The following DCDC1 variants were observed in gnomAD, a reference collection of about 807,000 sequenced individuals.
DCDC1 encodes the protein doublecortin domain-containing protein 1.
DCDC1 carries 200 observed loss-of-function variants against 178.3 expected under a neutral mutation model. That is an observed-to-expected ratio of 1.12 (90% CI 1.00 to 1.26). The LOEUF is 1.26. DCDC1 is among the 50% of genes most tolerant of loss of function. The pLI, the probability that DCDC1 is intolerant of heterozygous loss-of-function variation, is 0.00. For synonymous variants in DCDC1, 690 were observed against 604.8 expected (o/e 1.14, Z -2.07); for missense variants, 1,983 against 1,749.2 (o/e 1.13, Z -2.38).
At chr11:31,099,721 GT>G (rs371157451) in intron 15 of DCDC1, among the ~76,000 whole-genome samples, 45,086 of 135,970 alleles carry the variant, frequency 0.33, 6,892 homozygotes, top group Middle Eastern at 0.37. Flanking sequence ...TTTGTTTGTT[GT>G]TTTTTTTTTT....
intron 1 of DCDC1, among the ~76,000 whole-genome samples, chr11:31,351,039 A>T (rs986179579): frequency 6.6e-6 from 1 of 152,096 alleles, no homozygotes; most frequent in African/African-American, 2.4e-5. Context: ...AACAGGAGAC[A>T]TCAAAAAACT....
At chr11:30,871,855 C>T (rs1941601821) in intron 38 of DCDC1, among the ~76,000 whole-genome samples, 2 of 151,582 alleles carry the variant, frequency 1.3e-5, no homozygotes, top group African/African-American at 2.4e-5. Flanking sequence ...GTATTAAGTA[C>T]ACTTAGACAC....
intron 9 of DCDC1, among the ~76,000 whole-genome samples, chr11:31,202,147 T>C (rs1260869587): frequency 1.3e-5 from 2 of 152,220 alleles, no homozygotes; most frequent in Admixed American, 6.5e-5. Flanking sequence ...GCACAGACTA[T>C]GCACCCAGGT....
chr11:31,273,951 G>A (rs1945782573), intron 7 of DCDC1, among the ~76,000 whole-genome samples: 1 of 152,068 alleles, frequency 6.6e-6, no homozygotes, highest in South Asian at 2.1e-4. Flanking sequence ...GATCGCATGA[G>A]ACTAACTATC....
Position 31,029,732 on chromosome 11 carries a change from AT to A in DCDC1, c.2591+34736del, listed in dbSNP as rs559836159. 3.9e-3 allele frequency among the ~76,000 whole-genome samples: 590 copies of A among 152,204 alleles called. 2 individuals are homozygous for A. Among genetic ancestry groups the A allele is most frequent in the South Asian group, 0.016 (76 of 4,824 alleles). On this transcript the variant is annotated intron_variant, in intron 20 of 38. Transcript: ENST00000684477. Reference sequence around the variant, plus strand: ...ATACTTCTTTATAACAATAAAATGCATTTTGAGCTTTGCTTTTTTCTCGAAT... The same window carrying A: ...ATACTTCTTTATAACAATAAAATGCATTTGAGCTTTGCTTTTTTCTCGAAT...
chr11:31,340,591 A>C (rs953259247), intron 1 of DCDC1, among the ~76,000 whole-genome samples: 1 of 152,138 alleles, frequency 6.6e-6, no homozygotes, highest in Non-Finnish European at 1.5e-5. Context: ...TGAGATTAAC[A>C]TTTAAATGTG....
At chr11:31,059,807 T>C (rs189535366) in intron 20 of DCDC1, among the ~76,000 whole-genome samples, 4 of 152,198 alleles carry the variant, frequency 2.6e-5, no homozygotes, top group African/African-American at 9.6e-5. Flanking sequence ...TATGCAAAGC[T>C]ACATAAATGA....
intron 10 of DCDC1, among the ~76,000 whole-genome samples, chr11:31,135,966 T>C (rs1438677257): frequency 6.6e-6 from 1 of 152,074 alleles, no homozygotes; most frequent in Non-Finnish European, 1.5e-5. Flanking sequence ...GAAATTTTAA[T>C]TTTGCATAAA....
chr11:31,313,291 T>C (rs1057356989), intron 3 of DCDC1, among the ~76,000 whole-genome samples: 2 of 152,202 alleles, frequency 1.3e-5, no homozygotes, highest in Non-Finnish European at 2.9e-5. Flanking sequence ...ATCCTTGTCC[T>C]ATTAAAGTTT....
At chr11:31,321,197 C>T (rs1368200072) in intron 3 of DCDC1, among the ~76,000 whole-genome samples, 6 of 43,726 alleles carry the variant, frequency 1.4e-4, no homozygotes, top group Non-Finnish European at 2.3e-4. Flanking sequence ...TTCGAGCTTC[C>T]CGGCTGCTTT....
At position 31,263,067 on chromosome 11, in the gene DCDC1, T is replaced by G. The variant is rs769412097; in HGVS notation, c.1054+2440A>C. 5 of 1,613,034 alleles carry G rather than the reference T, an allele frequency of 3.1e-6. No individual in the cohort carries two copies. The South Asian group carries it at 5.5e-5, about 18-fold the overall frequency. On this transcript the variant is annotated intron_variant, in intron 8 of 38. Coordinates refer to ENST00000684477, the MANE Select transcript of DCDC1 (RefSeq NM_001387274.1). ...ATGAAGTATCACGTCTCAGAGTCAG[T>G]GCTTTCCTGTTTTGATAAGTAATTC...
At chr11:31,049,677 T>G (rs944212212) in intron 20 of DCDC1, among the ~76,000 whole-genome samples, 3 of 152,108 alleles carry the variant, frequency 2.0e-5, no homozygotes, top group African/African-American at 7.2e-5. Flanking sequence ...CCAAATACTG[T>G]GAGTGCCTCA....
chr11:31,227,306 A>G (rs1454436199), intron 9 of DCDC1, among the ~76,000 whole-genome samples: 1 of 152,152 alleles, frequency 6.6e-6, no homozygotes, highest in Non-Finnish European at 1.5e-5. Flanking sequence ...GTGAAGGAAG[A>G]GTCAACACAT....
intron 21 of DCDC1, among the ~76,000 whole-genome samples, chr11:30,932,784 T>C (rs1173567485): frequency 1.3e-5 from 2 of 152,128 alleles, no homozygotes; most frequent in Non-Finnish European, 1.5e-5. Flanking sequence ...AAAAGAGGGA[T>C]AGAGTAGGTT....
chr11:31,035,320 C>T (rs1953947855), intron 20 of DCDC1, among the ~76,000 whole-genome samples: 1 of 152,164 alleles, frequency 6.6e-6, no homozygotes, highest in African/African-American at 2.4e-5. Context: ...GGTTTTTCCA[C>T]TAATGTCCTT....
chr11:31,061,334 A>T (rs547263766), intron 20 of DCDC1, among the ~76,000 whole-genome samples: 1 of 152,276 alleles, frequency 6.6e-6, no homozygotes, highest in South Asian at 2.1e-4. Flanking sequence ...TTAATGCCAG[A>T]ATATGGCATT....
intron 3 of DCDC1, among the ~76,000 whole-genome samples, chr11:31,310,678 G>A (rs569243910): frequency 6.6e-6 from 1 of 151,960 alleles, no homozygotes; most frequent in Admixed American, 6.6e-5. Flanking sequence ...AGCTTGTTAG[G>A]TGTTGGAAAG....
intron 15 of DCDC1, among the ~76,000 whole-genome samples, chr11:31,099,331 T>C (rs542719996): frequency 6.6e-6 from 1 of 152,334 alleles, no homozygotes; most frequent in South Asian, 2.1e-4. Context: ...TCCTGAGTTA[T>C]CTTCCTAATA....
At chr11:31,151,173 T>C (rs1044473892) in intron 9 of DCDC1, among the ~76,000 whole-genome samples, 2 of 152,066 alleles carry the variant, frequency 1.3e-5, no homozygotes, top group African/African-American at 4.8e-5. Flanking sequence ...GCAAAGAAAA[T>C]TGAAAAACTA....
Sources: gnomAD v4.1 joint callset for allele counts (sites outside exome capture counted in the v4.1 genomes callset) on GRCh38, gnomAD v4.1.1 for gene constraint, MANE v1.5 for transcripts, NCBI Gene and HGNC (gene_info 2026-07-23, HGNC 2026-07-21) for gene names.